Variants in FAAH2 observed in about 807,000 individuals in gnomAD.
FAAH2 encodes the protein fatty acid amide hydrolase 2.
FAAH2 carries 60 observed loss-of-function variants against 36.9 expected under a neutral mutation model. The observed-to-expected ratio is 1.63, with a 90% CI of 1.32 to 2.02. FAAH2 has a LOEUF of 2.02. FAAH2 is among the 30% of genes most tolerant of loss of function. The pLI, the probability that FAAH2 is intolerant of heterozygous loss-of-function variation, is 0.00. For synonymous variants in FAAH2, 214 were observed against 143.8 expected (o/e 1.49, Z -3.49); for missense variants, 689 against 397.5 (o/e 1.73, Z -6.23).
chrX:57,408,658 C>T (rs1302347232), intron 7 of FAAH2, among the ~76,000 whole-genome samples: 1 of 110,529 alleles, frequency 9.0e-6, no homozygotes, highest in Non-Finnish European at 1.9e-5. Flanking sequence ...TGAGGAAAAG[C>T]TCTCAGCTTT....
chrX:57,136,773 C>T, the FAAH2 span: 2 of 332,932 alleles, frequency 6.0e-6, no homozygotes, highest in South Asian at 4.2e-5. Flanking sequence ...TCTTAAGTTC[C>T]TTTGGGCTGT....
intron 7 of FAAH2, among the ~76,000 whole-genome samples, chrX:57,407,390 A>G (rs1191049223): frequency 5.4e-5 from 6 of 111,576 alleles, no homozygotes; most frequent in Non-Finnish European, 1.1e-4. Flanking sequence ...AACCATTGAG[A>G]GTGTTACTCA....
At chrX:57,477,808 A>T (rs1012431674) in intron 10 of FAAH2, among the ~76,000 whole-genome samples, 7 of 111,215 alleles carry the variant, frequency 6.3e-5, no homozygotes, top group African/African-American at 2.3e-4. Flanking sequence ...GTCCCTACAA[A>T]GGACATGAAC....
intron 10 of FAAH2, among the ~76,000 whole-genome samples, chrX:57,463,579 A>G (rs1282302920): frequency 1.8e-5 from 2 of 111,559 alleles, no homozygotes; most frequent in Non-Finnish European, 3.8e-5. Context: ...TATTTAATAA[A>G]TGGTGCTGGG....
At chrX:57,171,194 A>G in the FAAH2 span, among the ~76,000 whole-genome samples, 1 of 111,598 alleles carries the variant, frequency 9.0e-6, no homozygotes, top group Non-Finnish European at 1.9e-5. Context: ...TATCTTTGCA[A>G]TTGTGAATTG....
intron 3 of FAAH2, among the ~76,000 whole-genome samples, chrX:57,321,420 C>G (rs941727699): frequency 1.8e-5 from 2 of 109,127 alleles, no homozygotes; most frequent in African/African-American, 6.7e-5. Flanking sequence ...ACATTTATAC[C>G]TATGTAAAAA....
rs1047672981 is a variant in FAAH2 at position 57,466,440 on chromosome X, G to T, written c.1423+17722G>T. 1.5e-4 allele frequency among the ~76,000 whole-genome samples: 14 copies of T among 94,338 alleles called. No individual in the cohort carries two copies. The Admixed American group carries it at 1.7e-3, about 11-fold the overall frequency. The allele number at this position is 94,338 out of a possible 115,157, so 81.9% of individuals were successfully genotyped here. A position where few individuals can be genotyped will look rare whatever the true frequency, so the allele number is the denominator to read the frequency against. On this transcript the variant is annotated intron_variant, in intron 10 of 10. Transcript: ENST00000374900. The stretch of plus-strand genomic sequence containing the variant: ...TTAATTAAAATAATATACTGGAAAA[G>T]TATATATATATATATAACAAAAGTA...
intron 8 of FAAH2, among the ~76,000 whole-genome samples, chrX:57,442,800 G>A (rs1285781713): frequency 9.0e-6 from 1 of 111,496 alleles, no homozygotes; most frequent in Non-Finnish European, 1.9e-5. Context: ...TGTAAGGCAG[G>A]CCTGGTGGTG....
At chrX:57,485,782 A>G (rs1373842176) in intron 10 of FAAH2, among the ~76,000 whole-genome samples, 1 of 112,101 alleles carries the variant, frequency 8.9e-6, no homozygotes, top group Non-Finnish European at 1.9e-5. Flanking sequence ...TTGTGATTTT[A>G]AAAAATTATT....
At chrX:57,248,496 G>A in the FAAH2 span, among the ~76,000 whole-genome samples, 1 of 111,098 alleles carries the variant, frequency 9.0e-6, no homozygotes, top group African/African-American at 3.3e-5. Flanking sequence ...GCTCACGCCT[G>A]TAATCCCAGC....
chrX:57,370,946 C>G (rs1013230340), intron 5 of FAAH2, among the ~76,000 whole-genome samples: 8 of 111,555 alleles, frequency 7.2e-5, no homozygotes. Flanking sequence ...GATCACTGCT[C>G]TAGACCAAAT....
chrX:57,150,077 C>A, the FAAH2 span, among the ~76,000 whole-genome samples: 5 of 111,848 alleles, frequency 4.5e-5, no homozygotes, highest in African/African-American at 1.3e-4. Flanking sequence ...GTTTTGAGAG[C>A]GTTTCTTAAT....
At chrX:57,380,890 G>A (rs756336034) in intron 6 of FAAH2, 22 bp from the exon 7 acceptor site, 1 of 1,003,485 alleles carries the variant, frequency 1.0e-6, no homozygotes, top group Non-Finnish European at 1.4e-6. Flanking sequence ...GTTGATGTCA[G>A]TTTCTTTTTA....
At chrX:57,349,130 T>C (rs934483563) in intron 5 of FAAH2, among the ~76,000 whole-genome samples, 14 of 90,182 alleles carry the variant, frequency 1.6e-4, no homozygotes, top group Non-Finnish European at 2.8e-4. Flanking sequence ...TATATACACA[T>C]ATATATATTA....
chrX:57,413,749 A>T lies in FAAH2; in HGVS notation c.997-18169A>T, dbSNP rs191725110. On this transcript the variant is annotated intron_variant, in intron 7 of 10. Coordinates refer to ENST00000374900, the MANE Select transcript of FAAH2 (RefSeq NM_174912.4). ...AAATATTTTCTAACTCTGTGAATAA[A>T]GTCAATGGTAGCTTGATGGGGATAG... Among the ~76,000 whole-genome samples the T allele has an allele frequency of 2.7e-5, 3 of 112,064 alleles. No homozygotes were observed. In the East Asian group the frequency reaches 8.4e-4, roughly 31 times the overall value.
chrX:57,271,379 T>C, the FAAH2 span, among the ~76,000 whole-genome samples: 3 of 111,692 alleles, frequency 2.7e-5, no homozygotes, highest in East Asian at 8.6e-4. Flanking sequence ...CTCTGAAGAG[T>C]ACAGTGGACC....
the FAAH2 span, among the ~76,000 whole-genome samples, chrX:57,177,270 A>G: frequency 7.4e-5 from 8 of 108,778 alleles, no homozygotes; most frequent in Non-Finnish European, 9.5e-5. Context: ...CTGCCTCCCA[A>G]TCATCCTCTT....
chrX:57,341,446 G>C, intron 5 of FAAH2, 56 bp downstream of exon 5: 1 of 1,144,446 alleles, frequency 8.7e-7, no homozygotes, highest in Non-Finnish European at 1.2e-6. Flanking sequence ...GAGCAATTCA[G>C]AAATTTTGTT....
At chrX:57,138,129 G>T in the FAAH2 span, among the ~76,000 whole-genome samples, 2 of 112,216 alleles carry the variant, frequency 1.8e-5, no homozygotes, top group Admixed American at 9.4e-5. Flanking sequence ...TAAGCTTAAA[G>T]AGTTATTTTT....
Sources: gnomAD v4.1 joint callset for allele counts (sites outside exome capture counted in the v4.1 genomes callset) on GRCh38, gnomAD v4.1.1 for gene constraint, MANE v1.5 for transcripts, NCBI Gene and HGNC (gene_info 2026-07-23, HGNC 2026-07-21) for gene names.